Variants in TRIB3 observed in about 807,000 individuals in gnomAD.
TRIB3 encodes tribbles pseudokinase 3.
TRIB3 carries 20 observed loss-of-function variants against 16.6 expected under a neutral mutation model. The observed-to-expected ratio is 1.20, with a 90% confidence interval of 0.85 to 1.75. The LOEUF is 1.75. Among genes scored for constraint, TRIB3 ranks in the 40% most tolerant of loss-of-function variants. The pLI, the probability that TRIB3 is intolerant of heterozygous loss-of-function variation, is 0.00. For synonymous variants in TRIB3, 208 were observed against 217.0 expected (o/e 0.96, Z 0.36); for missense variants, 484 against 488.9 (o/e 0.99, Z 0.10).
chr20:384,559 TC>T (rs2014748773), intron 1 of TRIB3, among the ~76,000 whole-genome samples: 1 of 152,086 alleles, frequency 6.6e-6, no homozygotes, highest in Admixed American at 6.6e-5. Context: ...AGATGGGGTT[TC>T]ACCATGTTGG....
intron 1 of TRIB3, among the ~76,000 whole-genome samples, chr20:387,174 C>A (rs553703161): frequency 6.6e-6 from 1 of 152,114 alleles, no homozygotes; most frequent in South Asian, 2.1e-4. Flanking sequence ...TCAGGTGAGA[C>A]CAGCCTAGGC....
chr20:396,576 C>A lies in TRIB3; in HGVS notation c.963C>A (p.Pro321=). 1 of 1,613,154 alleles carries A rather than the reference C, an allele frequency of 6.2e-7. No homozygotes were observed. Among genetic ancestry groups the A allele is most frequent in the Non-Finnish European group, 8.5e-7 (1 of 1,180,026 alleles). The change falls in exon 4 of 4, where the codon CCC becomes CCA. Residue 321 remains proline (P), a synonymous_variant. Transcript: ENST00000217233. ...CCTGGCTGCGACAGGACCCGATGCC[C>A]TTAGCCCCAACCCGATCCCATCTCT... is the stretch of plus-strand genomic sequence containing the variant. The part of the protein sequence containing the change: ...LHPWLRQDPM[P]LAPTRSHLWE...
intron 3 of TRIB3, among the ~76,000 whole-genome samples, chr20:393,336 A>G (rs1194013073): frequency 8.0e-6 from 1 of 125,576 alleles, no homozygotes; most frequent in Non-Finnish European, 1.7e-5. Flanking sequence ...TGACCTTGAC[A>G]CTTTTTTTTT....
chr20:389,059 G>C (rs942343799), intron 2 of TRIB3, among the ~76,000 whole-genome samples: 1 of 152,206 alleles, frequency 6.6e-6, no homozygotes, highest in Non-Finnish European at 1.5e-5. Context: ...ACACTGACAA[G>C]TGACAGTCCA....
In TRIB3 at chr20:396,300, G is replaced by A. The variant is rs1568538046; in HGVS notation, c.687G>A (p.Glu229=). The change falls in exon 4 of 4, where the codon GAG becomes GAA. Residue 229 remains glutamate (E), a synonymous_variant. Coordinates refer to ENST00000217233, the MANE Select transcript of TRIB3 (RefSeq NM_021158.5). ...CGTGCCCAGCCTACGTGGGACCTGA[G>A]ATACTCAGCTCACGGGCCTCATACT... ...KHACPAYVGP[E]ILSSRASYSG... The A allele has an allele frequency of 6.2e-7, 1 of 1,613,902 alleles. No individual in the cohort carries two copies. The highest frequency in any genetic ancestry group is 8.5e-7 in the Non-Finnish European group (1 of 1,180,038).
chr20:385,456 C>G (rs1009097184), intron 1 of TRIB3: 3 of 150,712 alleles, frequency 2.0e-5, no homozygotes, highest in African/African-American at 7.3e-5. Flanking sequence ...TTTGCAGTCA[C>G]GCTCATTCTC....
intron 1 of TRIB3, among the ~76,000 whole-genome samples, chr20:384,562 C>A (rs2014748912): frequency 6.6e-6 from 1 of 152,130 alleles, no homozygotes; most frequent in Admixed American, 6.6e-5. Context: ...TGGGGTTTCA[C>A]CATGTTGGCC....
intron 1 of TRIB3, chr20:381,451 AG>A (rs1326322826): frequency 6.6e-6 from 1 of 151,350 alleles, no homozygotes; most frequent in African/African-American, 2.4e-5. Flanking sequence ...CCAGGGACGG[AG>A]GTGTCCGGCC....
Position 387,950 on chromosome 20 carries a change from C to G in TRIB3, c.1-61C>G. The G allele has an allele frequency of 1.9e-6, 3 of 1,558,826 alleles. No homozygotes were observed. In the Admixed American group the frequency reaches 5.2e-5, roughly 27 times the overall value. ...GTTGTGCCACGTATCCTCCCACCAG[C>G]AGGGGAAAGGAGGGGCCACCAAGCA... On this transcript the variant is annotated intron_variant, in intron 1 of 3. Coordinates refer to ENST00000217233, the MANE Select transcript of TRIB3 (RefSeq NM_021158.5).
Position 386,380 on chromosome 20 carries a change from A to G in TRIB3, c.1-1631A>G, listed in dbSNP as rs113546219. 1.0e-3 allele frequency among the ~76,000 whole-genome samples: 158 copies of G among 152,198 alleles called. 2 individuals carry two copies. The highest frequency in any genetic ancestry group is 3.7e-3 in the African/African-American group (154 of 41,532). The stretch of plus-strand genomic sequence containing the variant: ...AAACAAGCTGTGTTTTTAAGCAGGT[A>G]TTTATTTCCTTAAATGTACATTTCT... On this transcript the variant is annotated intron_variant, in intron 1 of 3. Coordinates refer to ENST00000217233, the MANE Select transcript of TRIB3 (RefSeq NM_021158.5).
rs2015159391 is a variant in TRIB3 at position 397,460 on chromosome 20, G to A, written c.*770G>A. On this transcript the variant is annotated 3_prime_UTR_variant, in exon 4 of 4. Transcript: ENST00000217233. Reference sequence around the variant, plus strand: ...GAAAGTCCCAGGTGGGACTCTTCTGGGGACACTTGGGGTCCACAATCCCAG... The same window carrying A: ...GAAAGTCCCAGGTGGGACTCTTCTGAGGACACTTGGGGTCCACAATCCCAG... 1 of 152,104 alleles carries A rather than the reference G, an allele frequency of 6.6e-6. No individual in the cohort carries two copies. Among genetic ancestry groups the A allele is most frequent in the African/African-American group, 2.4e-5 (1 of 41,402 alleles). The allele number at this position is 152,104 out of a possible 1,614,324, so 9.4% of individuals were successfully genotyped here. A position where few individuals can be genotyped will look rare whatever the true frequency, so the allele number is the denominator to read the frequency against.
At chr20:383,265 A>G (rs2014711083) in intron 1 of TRIB3, among the ~76,000 whole-genome samples, 1 of 152,158 alleles carries the variant, frequency 6.6e-6, no homozygotes, top group Non-Finnish European at 1.5e-5. Flanking sequence ...CGTTGTGTGG[A>G]TGAAGTATAA....
chr20:396,759 GC>G lies in TRIB3; in HGVS notation c.*71del. ...TGGGGGTAGCTCCAAGCCTTCTCCT[GC>G]CTCTGAACTGAGCCAAACCTTCAGT... On this transcript the variant is annotated 3_prime_UTR_variant, in exon 4 of 4. Transcript: ENST00000217233. 2.0e-6 allele frequency: 3 copies of G among 1,528,302 alleles called. No individual in the cohort carries two copies. Among genetic ancestry groups the G allele is most frequent in the Non-Finnish European group, 2.6e-6 (3 of 1,142,474 alleles). The allele number at this position is 1,528,302 out of a possible 1,614,324, so 94.7% of individuals were successfully genotyped here.
rs139698750 is a variant in TRIB3 at position 395,760 on chromosome 20, G to A, written c.585-438G>A. On this transcript the variant is annotated intron_variant, in intron 3 of 3. Transcript: ENST00000217233. ...AGCCAGGTAATGAGCTGGGTCAAGG[G>A]CCAGGAACACAGCAGGCACTTGGTA... Among the ~76,000 whole-genome samples the A allele has an allele frequency of 7.9e-5, 12 of 152,252 alleles. No homozygotes were observed. In the East Asian group the frequency reaches 2.1e-3, roughly 27 times the overall value.
intron 1 of TRIB3, among the ~76,000 whole-genome samples, chr20:386,551 GGTAT>G (rs1471021957): frequency 3.9e-5 from 6 of 152,098 alleles, no homozygotes; most frequent in African/African-American, 1.4e-4. Flanking sequence ...TGGGATTACA[GGTAT>G]GCACCACCAC....
chr20:387,741 C>G (rs2014857369), intron 1 of TRIB3, among the ~76,000 whole-genome samples: 1 of 152,104 alleles, frequency 6.6e-6, no homozygotes, highest in African/African-American at 2.4e-5. Flanking sequence ...CTTTCTACTG[C>G]CTGACATTTG....
chr20:396,467 C>T lies in TRIB3; in HGVS notation c.854C>T (p.Ser285Leu), dbSNP rs751952607. The change falls in exon 4 of 4, where the codon TCG (serine) becomes TTG (leucine). Residue 285 changes from serine (S) to leucine (L), a missense_variant. By Grantham distance (145) the Ser-to-Leu change is moderately radical. Transcript: ENST00000217233. ...GCCTACGCCTTGCCTGCAGGCCTCT[C>T]GGCCCCTGCCCGCTGTCTGGTTCGC... ...RGAYALPAGL[S>L]APARCLVRCL... 15 of 1,612,686 alleles carry T rather than the reference C, an allele frequency of 9.3e-6. No homozygotes were observed. The African/African-American group carries it at 9.3e-5, about 10-fold the overall frequency.
intron 1 of TRIB3, chr20:385,805 G>A (rs1460289156): frequency 6.6e-6 from 1 of 151,722 alleles, no homozygotes; most frequent in Non-Finnish European, 1.5e-5. Flanking sequence ...AGGCCTCTCT[G>A]GGTTCCTAGA....
intron 1 of TRIB3, among the ~76,000 whole-genome samples, 189 bp from the exon 2 acceptor site, chr20:387,822 T>A (rs2014859965): frequency 6.6e-6 from 1 of 152,208 alleles, no homozygotes; most frequent in Non-Finnish European, 1.5e-5. Context: ...AATTTTTTTG[T>A]GAGAAGTTTA....
Sources: gnomAD v4.1 joint callset for allele counts (sites outside exome capture counted in the v4.1 genomes callset) on GRCh38, gnomAD v4.1.1 for gene constraint, MANE v1.5 for transcripts, NCBI Gene and HGNC (gene_info 2026-07-23, HGNC 2026-07-21) for gene names.